PRH1: variants seen among roughly 807,000 people sequenced by gnomAD.
PRH1 encodes the protein proline rich protein HaeIII subfamily 1.
In PRH1, 7 loss-of-function variants were observed where a neutral mutation model predicts 7.9. That is an observed-to-expected ratio of 0.89 (90% CI 0.50 to 1.67). PRH1 has a LOEUF of 1.67. PRH1 is among the 40% of genes most tolerant of loss of function. The pLI is 0.00. For synonymous variants in PRH1, 45 were observed against 80.8 expected (o/e 0.56, Z 2.38); for missense variants, 109 against 223.6 (o/e 0.49, Z 3.27).
rs1266670233 is a variant in PRH1, at chr12:11,074,674, T to A, written n.124-27486A>T. Among the ~76,000 whole-genome samples, 2 of 112,002 alleles carry A rather than the reference T, an allele frequency of 1.8e-5. 1 individual carries two copies. Among genetic ancestry groups the A allele is most frequent in the African/African-American group, 6.0e-5 (2 of 33,312 alleles). 73.5% of individuals were successfully genotyped at this position (112,002 alleles called of 152,430 possible). A position where few individuals can be genotyped will look rare whatever the true frequency, so the allele number is the denominator to read the frequency against. On this transcript the variant is annotated intron_variant and non_coding_transcript_variant, in intron 1 of 4. Coordinates refer to the PRH1 transcript ENST00000541977. ...AATTAAAAAAAAAACAAAACAAGTA[T>A]CTCTTAGAAAAATGGGGGTATTGGT...
At chr12:11,019,949 T>C (rs1295817395) in intron 1 of PRH1, among the ~76,000 whole-genome samples, 1 of 152,296 alleles carries the variant, frequency 6.6e-6, no homozygotes, top group East Asian at 1.9e-4. Context: ...ATCTTTAATA[T>C]GCTTTTCAAA....
chr12:11,148,629 G>A (rs1479248427), intron 1 of PRH1, among the ~76,000 whole-genome samples: 1 of 126,202 alleles, frequency 7.9e-6, no homozygotes, highest in African/African-American at 2.8e-5. Flanking sequence ...GCATCCCAGG[G>A]ATGAAGCCCA....
At chr12:11,113,018 A>G (rs1390698332) in intron 1 of PRH1, among the ~76,000 whole-genome samples, 1 of 152,184 alleles carries the variant, frequency 6.6e-6, no homozygotes, top group Non-Finnish European at 1.5e-5. Flanking sequence ...ACAAACAGAG[A>G]GCCAAATCAT....
intron 1 of PRH1, among the ~76,000 whole-genome samples, chr12:11,129,943 G>C (rs995360750): frequency 6.6e-6 from 1 of 152,194 alleles, no homozygotes; most frequent in Non-Finnish European, 1.5e-5. Flanking sequence ...TTGAGCCCAG[G>C]AGTTTGAGAC....
intron 2 of PRH1, among the ~76,000 whole-genome samples, chr12:10,950,327 TAGG>T (rs920890492): frequency 6.6e-6 from 1 of 152,136 alleles, no homozygotes; most frequent in Non-Finnish European, 1.5e-5. Flanking sequence ...TTGATAATCC[TAGG>T]AGAAGTGTCT....
At chr12:11,120,808 G>C (rs147241158), downstream of PRH1, 6 of 152,296 alleles carry the variant, frequency 3.9e-5, no homozygotes, top group South Asian at 6.2e-4. Context: ...ACTATTTCAC[G>C]TAGAATAGAT....
At chr12:11,110,886 T>C (rs568943013) in intron 1 of PRH1, among the ~76,000 whole-genome samples, 1 of 152,266 alleles carries the variant, frequency 6.6e-6, no homozygotes, top group African/African-American at 2.4e-5. Context: ...AGACCCATTG[T>C]TGTGCTGTAT....
chr12:10,979,113 A>AG (rs1413931505), intron 1 of PRH1, among the ~76,000 whole-genome samples: 4 of 152,130 alleles, frequency 2.6e-5, no homozygotes, highest in Non-Finnish European at 5.9e-5. Context: ...GACGGAGGGC[A>AG]GGAGGGGGGT....
intron 1 of PRH1, among the ~76,000 whole-genome samples, chr12:11,079,446 C>G (rs1187574845): frequency 8.5e-6 from 1 of 117,898 alleles, no homozygotes; most frequent in Non-Finnish European, 2.0e-5. Context: ...ATCAGCCAAA[C>G]TAGCTTCAAG....
intron 1 of PRH1, among the ~76,000 whole-genome samples, chr12:10,976,619 C>T (rs1939109027): frequency 7.1e-6 from 1 of 141,498 alleles, no homozygotes; most frequent in Admixed American, 7.2e-5. Flanking sequence ...TACAAAAGAT[C>T]AGTGGGCTGA....
At chr12:11,120,223 A>G (rs1945854743), downstream of PRH1, among the ~76,000 whole-genome samples, 2 of 152,196 alleles carry the variant, frequency 1.3e-5, no homozygotes, top group South Asian at 4.1e-4. Context: ...TTTCAAGAAA[A>G]GAGTATCTTT....
At chr12:11,126,554 T>C (rs967698413) in intron 1 of PRH1, among the ~76,000 whole-genome samples, 1 of 152,212 alleles carries the variant, frequency 6.6e-6, no homozygotes, top group Non-Finnish European at 1.5e-5. Flanking sequence ...TTGTCAACTT[T>C]AGCAATTAAA....
chr12:11,135,446 A>G (rs1946521169), intron 1 of PRH1, among the ~76,000 whole-genome samples: 1 of 152,138 alleles, frequency 6.6e-6, no homozygotes. Flanking sequence ...TAAATTGGCC[A>G]AACTCTAACG....
At chr12:11,007,344 TTTTAATTTAAAA>T (rs1170979398) in intron 1 of PRH1, among the ~76,000 whole-genome samples, 1 of 152,108 alleles carries the variant, frequency 6.6e-6, no homozygotes, top group African/African-American at 2.4e-5. Flanking sequence ...AATTATTTTC[TTTTAATTTAAAA>T]AAATGAAAAA....
intron 1 of PRH1, among the ~76,000 whole-genome samples, chr12:11,166,775 C>G (rs780374424): frequency 6.6e-6 from 1 of 152,186 alleles, no homozygotes; most frequent in African/African-American, 2.4e-5. Flanking sequence ...CTTAACAGTT[C>G]TACAGATCAG....
chr12:11,086,846 G>A (rs1462352532), intron 1 of PRH1, among the ~76,000 whole-genome samples: 1 of 113,782 alleles, frequency 8.8e-6, no homozygotes, highest in African/African-American at 2.9e-5. Context: ...CCCAGGAGTG[G>A]GGGGTTGTAG....
At chr12:10,986,902 A>G in intron 1 of PRH1, 2 of 1,372,334 alleles carry the variant, frequency 1.5e-6, no homozygotes, top group Non-Finnish European at 2.0e-6. Context: ...GCCTAATATC[A>G]CTGGTTGTGA....
chr12:11,165,194 CAA>C (rs1947537347), intron 1 of PRH1, among the ~76,000 whole-genome samples: 1 of 152,106 alleles, frequency 6.6e-6, no homozygotes, highest in South Asian at 2.1e-4. Context: ...CAAACTCAAC[CAA>C]AGAGGCTTTG....
At chr12:11,162,011 AAT>A (rs1266417982) in intron 1 of PRH1, among the ~76,000 whole-genome samples, 1 of 152,228 alleles carries the variant, frequency 6.6e-6, no homozygotes, top group East Asian at 1.9e-4. Flanking sequence ...GATTTAATTA[AAT>A]ATGTGATATT....
Sources: gnomAD v4.1 joint callset for allele counts (sites outside exome capture counted in the v4.1 genomes callset) on GRCh38, gnomAD v4.1.1 for gene constraint, MANE v1.5 for transcripts, NCBI Gene and HGNC (gene_info 2026-07-23, HGNC 2026-07-21) for gene names.